Variants in GALNT2 observed in about 807,000 individuals in gnomAD.
GALNT2 encodes polypeptide N-acetylgalactosaminyltransferase 2.
A neutral mutation model predicts 81.4 loss-of-function variants in GALNT2; 31 were observed. That is an observed-to-expected ratio of 0.38 (90% confidence interval 0.29 to 0.51). The LOEUF (loss-of-function observed/expected upper bound fraction) is 0.51, where lower values mean the gene tolerates loss of function less well. Among genes scored for constraint, GALNT2 ranks in the 20% least tolerant of loss-of-function variants. The pLI is 0.87. For synonymous variants in GALNT2, 303 were observed against 287.4 expected, an observed-to-expected ratio of 1.05 and a Z score of -0.55; for missense variants, 629 against 765.7, an observed-to-expected ratio of 0.82 and a Z score of 2.11.
At chr1:230,190,967 A>G (rs1663504850) in intron 2 of GALNT2, among the ~76,000 whole-genome samples, 1 of 152,138 alleles carries the variant, frequency 6.6e-6, no homozygotes, top group Admixed American at 6.5e-5. Flanking sequence ...GGTCAATGGC[A>G]ATGCATGCAT....
chr1:230,072,882 A>AAGTG (rs1659419483), intron 1 of GALNT2, among the ~76,000 whole-genome samples: 2 of 152,048 alleles, frequency 1.3e-5, no homozygotes, highest in African/African-American at 4.8e-5. Context: ...GCTGATTGTC[A>AAGTG]CCCCTGCAAA....
intron 12 of GALNT2, 102 bp downstream of exon 12, chr1:230,262,767 CCA>C: frequency 7.4e-7 from 1 of 1,345,986 alleles, no homozygotes; most frequent in Middle Eastern, 1.8e-4. Flanking sequence ...TACCCAGGTG[CCA>C]AGGCGGGAAG....
At chr1:230,179,695 C>T (rs1663098510) in intron 2 of GALNT2, among the ~76,000 whole-genome samples, 1 of 152,088 alleles carries the variant, frequency 6.6e-6, no homozygotes, top group Non-Finnish European at 1.5e-5. Context: ...TTAGGATAAT[C>T]GTCCTTTATC....
chr1:230,259,313 T>C (rs181602083), intron 11 of GALNT2, among the ~76,000 whole-genome samples: 3 of 152,362 alleles, frequency 2.0e-5, no homozygotes, highest in Admixed American at 1.3e-4. Flanking sequence ...TTGTTTGTTT[T>C]ATATAGACCT....
chr1:230,077,505 C>T (rs747958143), intron 1 of GALNT2, among the ~76,000 whole-genome samples: 14 of 152,260 alleles, frequency 9.2e-5, no homozygotes, highest in Middle Eastern at 3.4e-3. Flanking sequence ...TATCAGTTGG[C>T]ATTCTTATTT....
intron 3 of GALNT2, among the ~76,000 whole-genome samples, chr1:230,224,250 T>C (rs767868536): frequency 4.6e-5 from 7 of 152,182 alleles, no homozygotes; most frequent in Non-Finnish European, 8.8e-5. Flanking sequence ...AGTGTTCACA[T>C]TGTCTGATGA....
chr1:230,223,323 A>G (rs1290467744), intron 3 of GALNT2, among the ~76,000 whole-genome samples: 1 of 149,148 alleles, frequency 6.7e-6, no homozygotes, highest in African/African-American at 2.5e-5. Context: ...CTTACTCTTG[A>G]TACATTTTTG....
At chr1:230,094,733 G>T (rs537657534) in intron 1 of GALNT2, among the ~76,000 whole-genome samples, 186 of 152,324 alleles carry the variant, frequency 1.2e-3, no homozygotes, top group African/African-American at 4.1e-3. Context: ...TATTACAAGA[G>T]AAACAGAGCC....
At chr1:230,208,616 T>C (rs1664138931) in intron 3 of GALNT2, among the ~76,000 whole-genome samples, 1 of 152,266 alleles carries the variant, frequency 6.6e-6, no homozygotes, top group South Asian at 2.1e-4. Flanking sequence ...GCCCAAGGCC[T>C]GAGCCCTGGA....
rs1190964390 is a variant in GALNT2, at chr1:230,070,864, G to GTCTACT, written c.126+3458_126+3459insTCTACT. Reference sequence around the variant, plus strand: ...CCATTTGGGAACTAGTAATGTTTTTGAGCTAGTAGTAGACATTAAAGGGAA... The same window carrying GTCTACT: ...CCATTTGGGAACTAGTAATGTTTTTGTCTACTAGCTAGTAGTAGACATTAAAGGGAA... On this transcript the variant is annotated intron_variant, in intron 1 of 15. Coordinates refer to ENST00000366672, the MANE Select transcript of GALNT2 (RefSeq NM_004481.5). The surrounding 1 kb of genome is among the most constrained non-coding windows in gnomAD (Gnocchi z 4.7). Among the ~76,000 whole-genome samples the GTCTACT allele has an allele frequency of 1.2e-4, 18 of 152,310 alleles. No homozygotes were observed. In the South Asian group the frequency reaches 1.5e-3, roughly 12 times the overall value.
At chr1:230,076,894 T>C (rs1357981781) in intron 1 of GALNT2, among the ~76,000 whole-genome samples, 1 of 152,172 alleles carries the variant, frequency 6.6e-6, no homozygotes, top group African/African-American at 2.4e-5. Flanking sequence ...CAAGGTTTCT[T>C]CCTCTCTGCG....
At chr1:230,227,690 G>T (rs1664756906) in intron 3 of GALNT2, among the ~76,000 whole-genome samples, 1 of 152,120 alleles carries the variant, frequency 6.6e-6, no homozygotes, top group Non-Finnish European at 1.5e-5. Flanking sequence ...ATGGATGCAG[G>T]AGGGAAAGCA....
intron 3 of GALNT2, among the ~76,000 whole-genome samples, chr1:230,230,973 A>G (rs976549719): frequency 6.6e-5 from 10 of 152,122 alleles, no homozygotes; most frequent in African/African-American, 2.4e-4. Flanking sequence ...AAGAGAGTTT[A>G]TTTAAATATG....
chr1:230,183,340 CTG>C (rs1663218508), intron 2 of GALNT2, among the ~76,000 whole-genome samples: 1 of 152,042 alleles, frequency 6.6e-6, no homozygotes, highest in African/African-American at 2.4e-5. Flanking sequence ...TGCCCTTATT[CTG>C]TGTTTGTACT....
At chr1:230,151,053 A>G (rs929641821) in intron 1 of GALNT2, among the ~76,000 whole-genome samples, 1 of 152,108 alleles carries the variant, frequency 6.6e-6, no homozygotes, top group African/African-American at 2.4e-5. Flanking sequence ...AAGGTGCACT[A>G]CCTGGGTTGC....
chr1:230,120,037 C>T (rs56407636), intron 1 of GALNT2, among the ~76,000 whole-genome samples: 35,684 of 151,880 alleles, frequency 0.23, 4,553 homozygotes, highest in South Asian at 0.37. Flanking sequence ...GTTTGCGGTT[C>T]GCTATTGGGC....
intron 1 of GALNT2, among the ~76,000 whole-genome samples, chr1:230,144,768 T>C (rs1188680850): frequency 1.3e-5 from 2 of 152,128 alleles, no homozygotes; most frequent in South Asian, 2.1e-4. Flanking sequence ...AGTGTTCTTA[T>C]GTGGGGTGAG....
At chr1:230,184,012 A>C (rs529559536) in intron 2 of GALNT2, among the ~76,000 whole-genome samples, 89 of 151,776 alleles carry the variant, frequency 5.9e-4, no homozygotes, top group African/African-American at 2.0e-3. Flanking sequence ...TTTTACCTTC[A>C]CTTATTCCTT....
At chr1:230,140,765 A>G (rs189112066) in intron 1 of GALNT2, among the ~76,000 whole-genome samples, 25 of 152,318 alleles carry the variant, frequency 1.6e-4, no homozygotes, top group Non-Finnish European at 2.8e-4. Flanking sequence ...AAGCTTGTGC[A>G]TAACTCAGTA....
Sources: allele counts gnomAD v4.1 joint callset (sites outside exome capture counted in the v4.1 genomes callset), GRCh38; gene constraint gnomAD v4.1.1; non-coding constraint Gnocchi (gnomAD v3.1); transcripts MANE v1.5; gene names NCBI Gene and HGNC (gene_info 2026-07-23, HGNC 2026-07-21).